The following KRT86 variants were observed in gnomAD, a reference collection of about 807,000 sequenced individuals.
KRT86 encodes keratin 86.
KRT86 carries 30 observed loss-of-function variants against 41.2 expected under a neutral mutation model. That is an observed-to-expected ratio of 0.73 (90% CI 0.54 to 0.99). The LOEUF (loss-of-function observed/expected upper bound fraction) is 0.99, where lower values mean the gene tolerates loss of function less well. KRT86 is among the 50% of genes least tolerant of loss of function. The probability of loss-of-function intolerance (pLI) is 0.00; values close to 1 mark genes in which losing one functional copy is unlikely to be tolerated. For synonymous variants in KRT86, 238 were observed against 238.1 expected, an observed-to-expected ratio of 1.00 and a Z score of 0.00; for missense variants, 561 against 571.4, an observed-to-expected ratio of 0.98 and a Z score of 0.19.
At chr12:52,281,481 C>T (rs948495699) in intron 2 of KRT86, among the ~76,000 whole-genome samples, 1 of 152,082 alleles carries the variant, frequency 6.6e-6, no homozygotes, top group African/African-American at 2.4e-5. Context: ...ATGTATTGGG[C>T]CCTGTTTTTG....
Position 52,304,953 on chromosome 12 carries a change from C to G in KRT86, c.661C>G (p.Arg221Gly). 1.2e-6 allele frequency: 2 copies of G among 1,614,138 alleles called. No homozygotes were observed. Among genetic ancestry groups the G allele is most frequent in the Non-Finnish European group, 1.7e-6 (2 of 1,180,028 alleles). ...LKKDVDCAYL[R>G]KSDLEANVEA... ...CCAGGATGTGGACTGCGCCTACCTC[C>G]GCAAATCAGACCTGGAGGCCAATGT... Residue 221 changes from arginine to glycine, a missense_variant, in exon 6 of 11, where the codon CGC becomes GGC. Transcript: ENST00000423955.
At position 52,275,951 on chromosome 12, in the gene KRT86, G is replaced by C; in HGVS notation, c.-5+5G>C. ...GTGGGCAGTGCTGAGAGTCAGGTGA[G>C]AGGTGGGAGTGGGGGGCAACAGAGT... On this transcript the variant is annotated splice_donor_5th_base_variant and intron_variant, in intron 2 of 10. Coordinates refer to ENST00000423955, the MANE Select transcript of KRT86 (RefSeq NM_001320198.2). 2.0e-6 allele frequency: 2 copies of C among 986,006 alleles called. No homozygotes were observed. Among genetic ancestry groups the C allele is most frequent in the Non-Finnish European group, 2.4e-6 (2 of 829,992 alleles). The allele number at this position is 986,006 out of a possible 1,614,324, so 61.1% of individuals were successfully genotyped here.
intron 2 of KRT86, chr12:52,291,622 T>A: frequency 8.5e-7 from 1 of 1,169,858 alleles, no homozygotes. Context: ...TTGCGCTTTA[T>A]GGGCTTGGGT....
intron 2 of KRT86, among the ~76,000 whole-genome samples, chr12:52,292,777 T>C (rs1160299023): frequency 6.6e-6 from 1 of 152,234 alleles, no homozygotes; most frequent in Non-Finnish European, 1.5e-5. Flanking sequence ...GAATACTTCA[T>C]AAAATATGCT....
At chr12:52,284,346 C>T (rs576725892) in intron 2 of KRT86, among the ~76,000 whole-genome samples, 18 of 152,298 alleles carry the variant, frequency 1.2e-4, no homozygotes, top group African/African-American at 4.1e-4. Flanking sequence ...CACACCACGT[C>T]GCCCAGCTAA....
chr12:52,305,688 T>C lies in KRT86; in HGVS notation c.926T>C (p.Ile309Thr). 6.2e-7 allele frequency: 1 copy of C among 1,614,060 alleles called. No individual in the cohort carries two copies. The highest frequency in any genetic ancestry group is 8.5e-7 in the Non-Finnish European group (1 of 1,179,950). The change falls in exon 8 of 11, where the codon ATC becomes ACC. Residue 309 changes from isoleucine (I) to threonine (T), a missense_variant. Coordinates refer to ENST00000423955, the MANE Select transcript of KRT86 (RefSeq NM_001320198.2). ...TGTGAGGAGATGAAGGCCACGGTGA[T>C]CAGGCACGGGGAGACCCTGCGCCGC... ...SKCEEMKATV[I>T]RHGETLRRTK...
intron 2 of KRT86, among the ~76,000 whole-genome samples, chr12:52,282,912 C>A (rs547276459): frequency 6.6e-6 from 1 of 152,252 alleles, no homozygotes; most frequent in Admixed American, 6.5e-5. Flanking sequence ...CTCACACACA[C>A]GTTTCCACAC....
intron 2 of KRT86, among the ~76,000 whole-genome samples, chr12:52,296,637 G>A (rs1282756278): frequency 6.8e-6 from 1 of 146,384 alleles, no homozygotes; most frequent in Non-Finnish European, 1.5e-5. Context: ...GGCTCTCTTG[G>A]CTGAGAAGGC....
chr12:52,300,364 G>A (rs1274115726), intron 2 of KRT86, among the ~76,000 whole-genome samples: 1 of 152,210 alleles, frequency 6.6e-6, no homozygotes, highest in Non-Finnish European at 1.5e-5. Context: ...TAGTGGGTCA[G>A]AACATGAATT....
At chr12:52,281,775 A>G (rs1937776889) in intron 2 of KRT86, among the ~76,000 whole-genome samples, 1 of 152,060 alleles carries the variant, frequency 6.6e-6, no homozygotes, top group African/African-American at 2.4e-5. Flanking sequence ...GTCTTGCTCT[A>G]TCACCCAGGC....
chr12:52,282,160 C>T (rs1399363834), intron 2 of KRT86, among the ~76,000 whole-genome samples: 1 of 152,044 alleles, frequency 6.6e-6, no homozygotes, highest in Non-Finnish European at 1.5e-5. Context: ...GTGCTTAAAG[C>T]ATAGGAAGTT....
intron 3 of KRT86, among the ~76,000 whole-genome samples, chr12:52,302,844 G>GC (rs1555187706): frequency 1.7e-5 from 2 of 119,608 alleles, no homozygotes; most frequent in Non-Finnish European, 3.9e-5. Context: ...TGGGGGGTGG[G>GC]GGGGGGGTCA....
intron 1 of KRT86, chr12:52,275,116 C>T (rs1266986744): frequency 6.6e-6 from 1 of 152,210 alleles, no homozygotes; most frequent in Non-Finnish European, 1.5e-5. Context: ...TCCATCTGGC[C>T]AACTTCATGG....
chr12:52,287,955 C>G lies in KRT86; in HGVS notation c.-5+12009C>G, dbSNP rs774809318. 2.5e-6 allele frequency: 4 copies of G among 1,614,180 alleles called. No homozygotes were observed. In the Admixed American group the frequency reaches 6.7e-5, roughly 27 times the overall value. On this transcript the variant is annotated intron_variant, in intron 2 of 10. Transcript: ENST00000423955. Reference sequence around the variant, plus strand: ...TCTCACATCCCTCCCACTGACACGTCTAGCAGGCAGGTGTCCTGTGCCACT... The same window carrying G: ...TCTCACATCCCTCCCACTGACACGTGTAGCAGGCAGGTGTCCTGTGCCACT...
chr12:52,299,578 C>A (rs1938325706), intron 2 of KRT86, among the ~76,000 whole-genome samples: 1 of 152,156 alleles, frequency 6.6e-6, no homozygotes, highest in African/African-American at 2.4e-5. Context: ...TACAAGTGTT[C>A]CCCTTTCTCC....
Position 52,308,460 on chromosome 12 carries a change from GC to G in KRT86, c.1340del (p.Pro447LeufsTer73). On this transcript the variant is annotated frameshift_variant, in exon 11 of 11. Coordinates refer to ENST00000423955, the MANE Select transcript of KRT86 (RefSeq NM_001320198.2). LOFTEE classifies it high-confidence loss of function. ...VCGDLCASTT[A>X]PVVSTRVSSV... The stretch of plus-strand genomic sequence containing the variant: ...TGGCGATCTCTGCGCCTCCACTACT[GC>G]CCCTGTTGTCTCCACCAGAGTCAGT... 1 of 1,611,614 alleles carries G rather than the reference GC, an allele frequency of 6.2e-7. No homozygotes were observed. The highest frequency in any genetic ancestry group is 1.1e-5 in the South Asian group (1 of 91,058).
chr12:52,306,034 T>C (rs371574773), intron 8 of KRT86, 26 bp from the exon 9 acceptor site: 2 of 1,613,212 alleles, frequency 1.2e-6, no homozygotes, highest in African/African-American at 1.3e-5. Flanking sequence ...GACTCTAATC[T>C]ACCTTGTTCT....
chr12:52,286,018 C>T, intron 2 of KRT86: 1 of 568,762 alleles, frequency 1.8e-6, no homozygotes, highest in South Asian at 2.0e-5. Flanking sequence ...CCTTCCTGCT[C>T]CTGAGGCCCC....
intron 2 of KRT86, among the ~76,000 whole-genome samples, chr12:52,282,816 G>A (rs1199700026): frequency 6.6e-6 from 1 of 152,100 alleles, no homozygotes; most frequent in African/African-American, 2.4e-5. Context: ...ACATCCACAT[G>A]TACCCACAAA....
Sources: gnomAD v4.1 joint callset for allele counts (sites outside exome capture counted in the v4.1 genomes callset) on GRCh38, gnomAD v4.1.1 for gene constraint, MANE v1.5 for transcripts, NCBI Gene and HGNC (gene_info 2026-07-23, HGNC 2026-07-21) for gene names.